The following PRDM16 variants were observed in gnomAD, a reference collection of about 807,000 sequenced individuals.
PRDM16 encodes the protein PR/SET domain 16.
PRDM16 carries 23 observed loss-of-function variants against 110.6 expected under a neutral mutation model. That is an observed-to-expected ratio of 0.21 (90% CI 0.15 to 0.29). PRDM16 has a LOEUF of 0.29. Ranked by LOEUF, PRDM16 falls within the 10% of genes least tolerant of loss-of-function variation. PRDM16 has a pLI of 1.00. For missense variants in PRDM16, 1,615 were observed against 1,794.3 expected, an observed-to-expected ratio of 0.90 and a Z score of 1.81; for synonymous variants, 799 against 781.8, an observed-to-expected ratio of 1.02 and a Z score of -0.37.
intron 2 of PRDM16, among the ~76,000 whole-genome samples, chr1:3,240,651 A>G (rs998026436): frequency 6.6e-6 from 1 of 152,164 alleles, no homozygotes; most frequent in African/African-American, 2.4e-5. Flanking sequence ...TTAATAACAG[A>G]TAATTTTGAC....
At chr1:3,429,879 G>A (rs138993965) in intron 14 of PRDM16, among the ~76,000 whole-genome samples, 62 of 152,312 alleles carry the variant, frequency 4.1e-4, no homozygotes, top group African/African-American at 1.5e-3. Flanking sequence ...GTCGGTCGCC[G>A]TGAGACGCTG....
chr1:3,239,512 G>A (rs925292234), intron 2 of PRDM16, among the ~76,000 whole-genome samples: 1 of 152,138 alleles, frequency 6.6e-6, no homozygotes, highest in African/African-American at 2.4e-5. Context: ...TGGGTGCCCT[G>A]CATAGACAAC....
At chr1:3,381,418 T>TTG (rs1643100737) in intron 3 of PRDM16, among the ~76,000 whole-genome samples, 1 of 143,854 alleles carries the variant, frequency 7.0e-6, no homozygotes, top group Admixed American at 6.8e-5. Context: ...TTTTTTTTTT[T>TTG]GAGACAGAGT....
chr1:3,076,756 G>A (rs1369881733), intron 1 of PRDM16, among the ~76,000 whole-genome samples: 2 of 152,328 alleles, frequency 1.3e-5, no homozygotes, highest in South Asian at 2.1e-4. Flanking sequence ...CCCAGAAACC[G>A]GCTCGGCTTC....
In PRDM16 at chr1:3,418,718, G is replaced by A; in HGVS notation, c.2913G>A (p.Arg971=). 1 of 1,613,790 alleles carries A rather than the reference G, an allele frequency of 6.2e-7. No homozygotes were observed. The highest frequency in any genetic ancestry group is 8.5e-7 in the Non-Finnish European group (1 of 1,179,954). ...CAGCCAATCTCACCAGACACCTGAG[G>A]ACGCACACTGGGGAGCAGCCGTACA... ...PRSANLTRHL[R]THTGEQPYRC... The change falls in exon 12 of 17, where the codon AGG becomes AGA. Residue 971 remains arginine (R), a synonymous_variant. Transcript: ENST00000270722.
chr1:3,083,661 C>T (rs529547651), intron 1 of PRDM16, among the ~76,000 whole-genome samples: 10 of 152,034 alleles, frequency 6.6e-5, no homozygotes, highest in South Asian at 2.1e-4. Flanking sequence ...ATCCTGCCCT[C>T]GGGGGTTTCC....
intron 5 of PRDM16, among the ~76,000 whole-genome samples, chr1:3,398,673 C>G (rs1268054782): frequency 6.6e-6 from 1 of 152,208 alleles, no homozygotes; most frequent in Non-Finnish European, 1.5e-5. Context: ...CATTCCTGCT[C>G]TGCCATGAAG....
chr1:3,290,905 T>C lies in PRDM16; in HGVS notation c.438+46768T>C, dbSNP rs1640958547. Among the ~76,000 whole-genome samples, 1 of 151,758 alleles carries C rather than the reference T, an allele frequency of 6.6e-6. No homozygotes were observed. Among genetic ancestry groups the C allele is most frequent in the South Asian group, 2.1e-4 (1 of 4,796 alleles). On this transcript the variant is annotated intron_variant, in intron 3 of 16. Transcript: ENST00000270722. The surrounding 1 kb of genome is among the most constrained non-coding windows in gnomAD (Gnocchi z 4.8). ...TTTCAAAGAGTGATGGTTACGGAAA[T>C]TAGTGGTGCAGAAATCCATACTCAT...
intron 3 of PRDM16, among the ~76,000 whole-genome samples, chr1:3,301,960 A>T (rs1641217638): frequency 6.6e-6 from 1 of 152,122 alleles, no homozygotes; most frequent in African/African-American, 2.4e-5. Flanking sequence ...GCTCCAGCAG[A>T]ATTTGGAGGG....
chr1:3,128,998 C>T (rs1266208910), intron 1 of PRDM16, among the ~76,000 whole-genome samples: 3 of 152,156 alleles, frequency 2.0e-5, no homozygotes, highest in Non-Finnish European at 2.9e-5. Context: ...CCTGGGGAGG[C>T]TGGGGTGTGG....
chr1:3,234,090 C>T (rs371480130), intron 2 of PRDM16, among the ~76,000 whole-genome samples: 2 of 152,042 alleles, frequency 1.3e-5, no homozygotes, highest in African/African-American at 4.8e-5. Flanking sequence ...GCGATTGGGT[C>T]GGTCCCGGTG....
intron 8 of PRDM16, among the ~76,000 whole-genome samples, chr1:3,409,983 ATGGGGGGGTG>A (rs1225858613): frequency 6.9e-5 from 2 of 29,170 alleles, no homozygotes; most frequent in African/African-American, 3.5e-4. Flanking sequence ...GTGTGTTTGC[ATGGGGGGGTG>A]TGGGGGGTGT....
rs138230245 is a variant in PRDM16 at position 3,409,597 on chromosome 1, C to T, written c.1187-1787C>T. ...CTTGCTGAAATCATTGTTTCCACCA[C>T]GCCGTGTTTAGGAAGCAAATTGTCC... On this transcript the variant is annotated intron_variant, in intron 8 of 16. Transcript: ENST00000270722. Among the ~76,000 whole-genome samples, 241 of 152,206 alleles carry T rather than the reference C, an allele frequency of 1.6e-3. 1 individual carries two copies. Among genetic ancestry groups the T allele is most frequent in the African/African-American group, 5.3e-3 (221 of 41,542 alleles).
chr1:3,105,865 A>G (rs1046006392), intron 1 of PRDM16, among the ~76,000 whole-genome samples: 58 of 152,334 alleles, frequency 3.8e-4, no homozygotes, highest in African/African-American at 1.3e-3. Flanking sequence ...CAGGGCAGCT[A>G]GGCCAGGCCG....
At chr1:3,424,435 C>T (rs558198090) in intron 12 of PRDM16, among the ~76,000 whole-genome samples, 235 of 152,340 alleles carry the variant, frequency 1.5e-3, no homozygotes, top group African/African-American at 5.5e-3. Flanking sequence ...ACTTTCCAGC[C>T]GCAAGGGGCC....
intron 2 of PRDM16, among the ~76,000 whole-genome samples, chr1:3,241,096 G>A (rs1485172463): frequency 2.0e-5 from 3 of 152,194 alleles, no homozygotes; most frequent in African/African-American, 4.8e-5. Context: ...AGCGCGTCCC[G>A]CCATTTTTCC....
intron 3 of PRDM16, among the ~76,000 whole-genome samples, chr1:3,368,662 C>T (rs922458785): frequency 1.3e-5 from 2 of 152,166 alleles, no homozygotes; most frequent in African/African-American, 4.8e-5. Context: ...ACCCGTAAAC[C>T]GTGTTGTGCT....
chr1:3,076,391 T>C (rs1641900640), intron 1 of PRDM16, among the ~76,000 whole-genome samples: 1 of 152,160 alleles, frequency 6.6e-6, no homozygotes, highest in African/African-American at 2.4e-5. Flanking sequence ...AGAGTTTGCT[T>C]TTCCTGCTTC....
intron 2 of PRDM16, among the ~76,000 whole-genome samples, chr1:3,203,049 T>TTCTTCA (rs1205870594): frequency 6.6e-6 from 1 of 152,234 alleles, no homozygotes; most frequent in African/African-American, 2.4e-5. Context: ...CGAACTGGCA[T>TTCTTCA]TCTTCATCCC....
Sources: gnomAD v4.1 joint callset for allele counts (sites outside exome capture counted in the v4.1 genomes callset) on GRCh38, gnomAD v4.1.1 for gene constraint, Gnocchi (gnomAD v3.1) non-coding constraint, MANE v1.5 for transcripts, NCBI Gene and HGNC (gene_info 2026-07-23, HGNC 2026-07-21) for gene names.